Variants in ETS1 observed in about 807,000 individuals in gnomAD.
The protein encoded by ETS1 is protein C-ets-1.
In ETS1, 15 loss-of-function variants were observed where a neutral mutation model predicts 58.6. The ratio of observed to expected loss-of-function variants is 0.26; its 90% CI spans 0.17 to 0.39. The LOEUF (loss-of-function observed/expected upper bound fraction) is 0.39. Ranked by LOEUF, ETS1 falls within the 10% of genes least tolerant of loss-of-function variation. The probability of loss-of-function intolerance (pLI) is 1.00; values close to 1 mark genes in which losing one functional copy is unlikely to be tolerated. For synonymous variants in ETS1, 214 were observed against 218.2 expected, an observed-to-expected ratio of 0.98 and a Z score of 0.17; for missense variants, 417 against 610.5, an observed-to-expected ratio of 0.68 and a Z score of 3.34.
chr11:128,473,324 A>T (rs918227806), intron 8 of ETS1, among the ~76,000 whole-genome samples: 1 of 152,206 alleles, frequency 6.6e-6, no homozygotes, highest in African/African-American at 2.4e-5. Context: ...AGGTTTGGAG[A>T]ATACTATGGA....
At chr11:128,480,850 C>T (rs889678471) in intron 7 of ETS1, among the ~76,000 whole-genome samples, 1 of 152,054 alleles carries the variant, frequency 6.6e-6, no homozygotes, top group Admixed American at 6.5e-5. Flanking sequence ...ATGAAGAAAT[C>T]AGAGCAATGT....
intron 7 of ETS1, among the ~76,000 whole-genome samples, chr11:128,483,641 G>C (rs1220456279): frequency 1.3e-5 from 2 of 152,188 alleles, no homozygotes; most frequent in African/African-American, 4.8e-5. Context: ...ATTTTGCAGG[G>C]ACTTTCCCTC....
intron 3 of ETS1, among the ~76,000 whole-genome samples, chr11:128,509,886 A>G (rs1457194710): frequency 1.3e-5 from 2 of 152,142 alleles, no homozygotes; most frequent in African/African-American, 4.8e-5. Flanking sequence ...TAAGGCATCA[A>G]CCTCAAAGGG....
At chr11:128,484,229 T>C (rs1364146466) in intron 7 of ETS1, among the ~76,000 whole-genome samples, 2 of 152,184 alleles carry the variant, frequency 1.3e-5, no homozygotes, top group Non-Finnish European at 2.9e-5. Flanking sequence ...CCTCCGTCCC[T>C]GGTCCTCTAG....
intron 7 of ETS1, 154 bp downstream of exon 7, chr11:128,484,669 T>C (rs1363625862): frequency 3.1e-6 from 2 of 638,784 alleles, no homozygotes; most frequent in Non-Finnish European, 5.3e-6. Flanking sequence ...CGATGGAAAG[T>C]TCTTAGTATC....
At chr11:128,564,576 A>G (rs939105936) in intron 2 of ETS1, among the ~76,000 whole-genome samples, 1 of 152,166 alleles carries the variant, frequency 6.6e-6, no homozygotes, top group African/African-American at 2.4e-5. Flanking sequence ...CTCACAGCCA[A>G]CACTCGCTGA....
chr11:128,564,803 A>G (rs1390235894), intron 2 of ETS1, among the ~76,000 whole-genome samples: 4 of 152,160 alleles, frequency 2.6e-5, no homozygotes, highest in Non-Finnish European at 5.9e-5. Flanking sequence ...ATGGAGATGG[A>G]GACTGAGGCT....
At chr11:128,501,255 G>T (rs1241584367) in intron 3 of ETS1, among the ~76,000 whole-genome samples, 1 of 152,058 alleles carries the variant, frequency 6.6e-6, no homozygotes, top group African/African-American at 2.4e-5. Flanking sequence ...GGTGAACATC[G>T]TGCTTCTCAG....
chr11:128,548,448 G>A (rs56075344), intron 3 of ETS1, among the ~76,000 whole-genome samples: 37,846 of 151,976 alleles, frequency 0.25, 5,613 homozygotes, highest in East Asian at 0.54. Flanking sequence ...TGCACAGCTG[G>A]TGGGTGGCAG....
At chr11:128,493,525 T>G (rs919304605) in intron 3 of ETS1, among the ~76,000 whole-genome samples, 9 of 152,218 alleles carry the variant, frequency 5.9e-5, no homozygotes, top group African/African-American at 2.2e-4. Flanking sequence ...GAGACTCAAG[T>G]GCTAGATCTC....
chr11:128,477,779 G>A (rs1414502948), intron 8 of ETS1, among the ~76,000 whole-genome samples: 1 of 152,170 alleles, frequency 6.6e-6, no homozygotes, highest in African/African-American at 2.4e-5. Flanking sequence ...TCGCTTTTCT[G>A]CACTCAATAT....
intron 3 of ETS1, among the ~76,000 whole-genome samples, chr11:128,534,884 C>T (rs1379185471): frequency 6.6e-6 from 1 of 152,196 alleles, no homozygotes; most frequent in African/African-American, 2.4e-5. Context: ...CTGCAATGAA[C>T]ATACGCGTGC....
At chr11:128,488,847 G>A (rs538599293) in intron 5 of ETS1, among the ~76,000 whole-genome samples, 4 of 152,082 alleles carry the variant, frequency 2.6e-5, no homozygotes, top group Admixed American at 6.6e-5. Flanking sequence ...TTATTAATAC[G>A]GTCTCAGACG....
Position 128,516,418 on chromosome 11 carries a change from T to C in ETS1, c.215-25842A>G, listed in dbSNP as rs537567697. 1.7e-3 allele frequency among the ~76,000 whole-genome samples: 261 copies of C among 152,126 alleles called. 2 individuals are homozygous for C. Among genetic ancestry groups the C allele is most frequent in the Non-Finnish European group, 2.6e-3 (178 of 67,936 alleles). On this transcript the variant is annotated intron_variant, in intron 3 of 9. Coordinates refer to ENST00000392668, the MANE Select transcript of ETS1 (RefSeq NM_001143820.2). Reference sequence around the variant, plus strand: ...CAGAGGTTCCTTGTGAGCAGGAAAATGGAGCCAAGGTTTTCATTAAGGAGC... The same window carrying C: ...CAGAGGTTCCTTGTGAGCAGGAAAACGGAGCCAAGGTTTTCATTAAGGAGC...
intron 3 of ETS1, chr11:128,522,396 G>A: frequency 2.1e-6 from 2 of 971,924 alleles, no homozygotes; most frequent in Non-Finnish European, 2.4e-6. Context: ...CGGCCGCTGG[G>A]TCCGCGCGCC....
intron 6 of ETS1, 63 bp downstream of exon 6, chr11:128,486,006 G>T (rs1037687257): frequency 3.2e-6 from 3 of 943,290 alleles, no homozygotes; most frequent in African/African-American, 1.6e-5. Context: ...GAGATTCACT[G>T]AGATAGGGGT....
chr11:128,525,404 A>G (rs568936672), intron 3 of ETS1, among the ~76,000 whole-genome samples: 1 of 152,270 alleles, frequency 6.6e-6, no homozygotes, highest in South Asian at 2.1e-4. Context: ...TTAATGTTGA[A>G]CAATCATGGA....
At chr11:128,474,371 GT>G (rs1565369175) in intron 8 of ETS1, among the ~76,000 whole-genome samples, 1 of 151,828 alleles carries the variant, frequency 6.6e-6, no homozygotes, top group Non-Finnish European at 1.5e-5. Context: ...CACTTTCCAC[GT>G]TTTTTAAAAG....
In ETS1 at chr11:128,558,629, T is replaced by TGACAGAGC. The variant is rs150556133; in HGVS notation, c.70-2202_70-2195dup. ...CCGTGCCACTGCACTCCAGCCTGGG[T>TGACAGAGC]GACAGAGCAATATCCATCCCAAAAA... On this transcript the variant is annotated intron_variant, in intron 2 of 9. Coordinates refer to ENST00000392668, the MANE Select transcript of ETS1 (RefSeq NM_001143820.2). Among the ~76,000 whole-genome samples, 297 of 118,492 alleles carry TGACAGAGC rather than the reference T, an allele frequency of 2.5e-3. 7 individuals are homozygous for TGACAGAGC. In the East Asian group the frequency reaches 0.059, roughly 24 times the overall value. 77.7% of individuals were successfully genotyped at this position (118,492 alleles called of 152,430 possible).
Sources: allele counts gnomAD v4.1 joint callset (sites outside exome capture counted in the v4.1 genomes callset), GRCh38; gene constraint gnomAD v4.1.1; transcripts MANE v1.5; gene names NCBI Gene and HGNC (gene_info 2026-07-23, HGNC 2026-07-21).